ZNF638: variants seen among roughly 807,000 people sequenced by gnomAD.
ZNF638 encodes zinc finger protein 638, also known as CTCL tumor antigen se33-1.
A neutral mutation model predicts 195.6 loss-of-function variants in ZNF638; 46 were observed. The observed-to-expected ratio is 0.24, with a 90% CI of 0.19 to 0.30. The LOEUF (loss-of-function observed/expected upper bound fraction) is 0.30, where lower values mean the gene tolerates loss of function less well. ZNF638 is among the 10% of genes least tolerant of loss of function. The probability of loss-of-function intolerance (pLI) is 1.00; values close to 1 mark genes in which losing one functional copy is unlikely to be tolerated. For synonymous variants in ZNF638, 845 were observed against 772.0 expected, an observed-to-expected ratio of 1.09 and a Z score of -1.57; for missense variants, 2,440 against 2,325.3, an observed-to-expected ratio of 1.05 and a Z score of -1.01.
At chr2:71,357,135 T>C (rs929729122) in intron 3 of ZNF638, among the ~76,000 whole-genome samples, 4 of 152,148 alleles carry the variant, frequency 2.6e-5, no homozygotes, top group Admixed American at 1.3e-4. Context: ...GCCTCTCCCA[T>C]CTGACCTTTT....
intron 16 of ZNF638, among the ~76,000 whole-genome samples, chr2:71,403,291 A>G (rs1326024649): frequency 1.3e-5 from 2 of 152,186 alleles, no homozygotes; most frequent in South Asian, 2.1e-4. Context: ...TTACAACTGT[A>G]AGCAAACATA....
In ZNF638 at chr2:71,434,812, G is replaced by A. The variant is rs1407244256; in HGVS notation, c.*5G>A. On this transcript the variant is annotated 3_prime_UTR_variant, in exon 28 of 28. Coordinates refer to ENST00000264447, the MANE Select transcript of ZNF638 (RefSeq NM_014497.5). Reference sequence around the variant, plus strand: ...GAAGAAAGAAGCTCTAGGTGATTGGGGGAAAGGAAAGAATTCACTAGAAAT... The same window carrying A: ...GAAGAAAGAAGCTCTAGGTGATTGGAGGAAAGGAAAGAATTCACTAGAAAT... The A allele has an allele frequency of 3.8e-6, 6 of 1,595,534 alleles. No homozygotes were observed. Among genetic ancestry groups the A allele is most frequent in the Admixed American group, 3.6e-5 (2 of 55,492 alleles).
intron 25 of ZNF638, 45 bp downstream of exon 25, chr2:71,428,696 G>A: frequency 1.3e-6 from 2 of 1,492,680 alleles, no homozygotes; most frequent in Non-Finnish European, 1.8e-6. Context: ...ACACAACACA[G>A]GAGAGTAGTT....
At chr2:71,403,037 G>A (rs1416200047) in intron 16 of ZNF638, among the ~76,000 whole-genome samples, 1 of 152,144 alleles carries the variant, frequency 6.6e-6, no homozygotes, top group Non-Finnish European at 1.5e-5. Flanking sequence ...TACAGTGGTT[G>A]AACTTTAAAC....
chr2:71,365,720 TAATA>T lies in ZNF638; in HGVS notation c.1995+16_1995+19del, dbSNP rs1172557349. On this transcript the variant is annotated intron_variant, in intron 6 of 27. Coordinates refer to ENST00000264447, the MANE Select transcript of ZNF638 (RefSeq NM_014497.5). ...CTCCAGCGAAAGGTAATTCTTTAAT[TAATA>T]ATTATTTTTAGAGATAAGGTTTCAC... 6.3e-7 allele frequency: 1 copy of T among 1,580,760 alleles called. No homozygotes were observed. The highest frequency in any genetic ancestry group is 8.6e-7 in the Non-Finnish European group (1 of 1,165,174).
intron 1 of ZNF638, among the ~76,000 whole-genome samples, chr2:71,346,829 G>A (rs1283599126): frequency 6.6e-6 from 1 of 152,084 alleles, no homozygotes; most frequent in Non-Finnish European, 1.5e-5. Flanking sequence ...AGACCAGCCT[G>A]GCCGACATGA....
chr2:71,433,372 G>A (rs551958969), intron 27 of ZNF638, 89 bp downstream of exon 27: 23 of 906,938 alleles, frequency 2.5e-5, no homozygotes, highest in Middle Eastern at 3.2e-4. Flanking sequence ...ATTTCCCCCC[G>A]CTTTAGGAGA....
In ZNF638 at chr2:71,423,101, A is replaced by C; in HGVS notation, c.3587A>C (p.Glu1196Ala). Reference sequence around the variant, plus strand: ...ATTGAACAATTCACTGAAAATGCCGAGGAGTGTGCTTTAAATCAGCAGATG... The same window carrying C: ...ATTGAACAATTCACTGAAAATGCCGCGGAGTGTGCTTTAAATCAGCAGATG... ...VSIEQFTENA[E>A]ECALNQQMFN... Residue 1196 changes from glutamate (E) to alanine (A), a missense_variant, in exon 22 of 28, where the codon GAG (glutamate) becomes GCG (alanine). Coordinates refer to ENST00000264447, the MANE Select transcript of ZNF638 (RefSeq NM_014497.5). The C allele has an allele frequency of 6.2e-7, 1 of 1,614,146 alleles. No homozygotes were observed. Among genetic ancestry groups the C allele is most frequent in the Non-Finnish European group, 8.5e-7 (1 of 1,180,000 alleles).
At chr2:71,339,160 T>G (rs1356862726) in intron 1 of ZNF638, among the ~76,000 whole-genome samples, 4 of 135,836 alleles carry the variant, frequency 2.9e-5, no homozygotes, top group Non-Finnish European at 3.1e-5. Flanking sequence ...GTTTTTTTTT[T>G]TTTTTTTTAT....
Position 71,418,642 on chromosome 2 carries a change from A to G in ZNF638, c.3299+3A>G, listed in dbSNP as rs767312307. On this transcript the variant is annotated splice_donor_region_variant and intron_variant, in intron 21 of 27. Transcript: ENST00000264447. ...GACCCAGAATTAGAAAAAGAAAGGT[A>G]TGTTGCTTTATGTTTACTAACACTT... The G allele has an allele frequency of 6.4e-7, 1 of 1,551,930 alleles. No individual in the cohort carries two copies. Among genetic ancestry groups the G allele is most frequent in the Non-Finnish European group, 8.7e-7 (1 of 1,148,148 alleles).
At chr2:71,397,782 A>G (rs2079925100) in intron 11 of ZNF638, among the ~76,000 whole-genome samples, 2 of 152,160 alleles carry the variant, frequency 1.3e-5, no homozygotes, top group African/African-American at 2.4e-5. Context: ...CTTCTGCAAC[A>G]CTTTCATGAT....
At chr2:71,400,343 T>C in intron 14 of ZNF638, 135 bp from the exon 15 acceptor site, 3 of 1,054,198 alleles carry the variant, frequency 2.8e-6, no homozygotes, top group Non-Finnish European at 4.1e-6. Flanking sequence ...ATGTCACTTT[T>C]GTAGTCATTT....
rs779621822 is a variant in ZNF638 at position 71,364,042 on chromosome 2, C to T, written c.1507C>T (p.His503Tyr). The change falls in exon 5 of 28, where the codon CAC becomes TAC. Residue 503 changes from histidine to tyrosine, a missense_variant. Physicochemically the swap from His to Tyr is moderately conservative, Grantham distance 83 (BLOSUM62 2). Around this residue, in one of 5 missense-constraint regions of ZNF638, gnomAD observed 1,883 missense variants for 1,739.1 expected, o/e 1.08. Transcript: ENST00000264447. ...PRRSRRSSSS[H>Y]RFRRSRSPMH... ...GCGTTCTAGAAGATCAAGCTCAAGT[C>T]ACAGATTCCGTCGGTCTCGAAGCCC... 12 of 1,614,186 alleles carry T rather than the reference C, an allele frequency of 7.4e-6. No homozygotes were observed. Among genetic ancestry groups the T allele is most frequent in the Non-Finnish European group, 1.0e-5 (12 of 1,180,036 alleles).
Position 71,355,760 on chromosome 2 carries a change from C to T in ZNF638, c.1359C>T (p.Ser453=). 1.9e-6 allele frequency: 3 copies of T among 1,595,108 alleles called. No homozygotes were observed. The highest frequency in any genetic ancestry group is 2.3e-5 in the South Asian group (2 of 87,366). The change falls in exon 3 of 28, where the codon AGC becomes AGT. Residue 453 remains serine, a synonymous_variant. Transcript: ENST00000264447. ...QHQNTSTHIE[S]CRQLRQQYPD... ...AAAATACATCTACTCATATTGAGAG[C>T]TGTCGACAGTTACGTCAACAGTAAG...
At chr2:71,388,430 G>C (rs1275972355) in intron 10 of ZNF638, 1 of 680,578 alleles carries the variant, frequency 1.5e-6, no homozygotes, top group Non-Finnish European at 2.7e-6. Context: ...CCCTACAGGC[G>C]GGGGCAACAA....
chr2:71,434,592 T>C (rs1173598000), intron 27 of ZNF638, 150 bp from the exon 28 acceptor site: 1 of 636,434 alleles, frequency 1.6e-6, no homozygotes, highest in East Asian at 3.0e-5. Context: ...GACTGATGAA[T>C]GAAAGGAAGA....
chr2:71,349,064 T>C lies in ZNF638; in HGVS notation c.110T>C (p.Met37Thr), dbSNP rs2078900274. 1 of 1,614,118 alleles carries C rather than the reference T, an allele frequency of 6.2e-7. No individual in the cohort carries two copies. Among genetic ancestry groups the C allele is most frequent in the African/African-American group, 1.3e-5 (1 of 74,942 alleles). ...PPGPFMRPGSMGLPRFYPAGR... is the reference protein window; with the variant it reads ...PPGPFMRPGSTGLPRFYPAGR... ...GGACCATTTATGAGGCCTGGATCTATGGGTCTCCCAAGATTTTACCCAGCA... is the reference window on the plus strand; with the variant it reads ...GGACCATTTATGAGGCCTGGATCTACGGGTCTCCCAAGATTTTACCCAGCA... The change falls in exon 2 of 28, where the codon ATG becomes ACG. Residue 37 changes from methionine to threonine, a missense_variant. Met to Thr is a moderately conservative substitution (Grantham distance 81, BLOSUM62 -1). Transcript: ENST00000264447.
rs1295272375 is a variant in ZNF638 at position 71,349,100 on chromosome 2, G to A, written c.146G>A (p.Arg49His). ...LPRFYPAGRA[R>H]GIPHRFAGHE... is the part of the protein sequence containing the mutation. Reference sequence around the variant, plus strand: ...AGATTTTACCCAGCAGGGAGAGCACGTGGAATTCCACACAGATTTGCTGGC... The same window carrying A: ...AGATTTTACCCAGCAGGGAGAGCACATGGAATTCCACACAGATTTGCTGGC... Residue 49 changes from arginine to histidine, a missense_variant, in exon 2 of 28, where the codon CGT (arginine) becomes CAT (histidine). Around this residue, in one of 5 missense-constraint regions of ZNF638, gnomAD observed 191 missense variants for 173.8 expected, o/e 1.10. Transcript: ENST00000264447. 43 of 1,614,080 alleles carry A rather than the reference G, an allele frequency of 2.7e-5. No individual in the cohort carries two copies. The highest frequency in any genetic ancestry group is 3.2e-5 in the Non-Finnish European group (38 of 1,180,048).
rs1299522261 is a variant in ZNF638, at chr2:71,423,279, A to C, written c.3765A>C (p.Thr1255=). Residue 1255 remains threonine (T), a synonymous_variant, in exon 22 of 28, where the codon ACA becomes ACC. Coordinates refer to ENST00000264447, the MANE Select transcript of ZNF638 (RefSeq NM_014497.5). ...CAGAAGATTTCATTTCTGGAATTAC[A>C]CAGACTATGGTAGAAGCTGTAGCTG... ...SEAEDFISGI[T]QTMVEAVAEV... is the part of the protein sequence containing the mutation. 6.2e-7 allele frequency: 1 copy of C among 1,614,062 alleles called. No homozygotes were observed. The highest frequency in any genetic ancestry group is 8.5e-7 in the Non-Finnish European group (1 of 1,179,984).
Sources: gnomAD v4.1 joint callset for allele counts (sites outside exome capture counted in the v4.1 genomes callset) on GRCh38, gnomAD v4.1.1 for gene constraint, gnomAD v4.1.1 regional missense constraint, MANE v1.5 for transcripts, NCBI Gene and HGNC (gene_info 2026-07-23, HGNC 2026-07-21) for gene names.